The following TASP1 variants were observed in gnomAD, a reference collection of about 807,000 sequenced individuals.
The protein encoded by TASP1 is threonine aspartase 1.
In TASP1, 16 loss-of-function variants were observed where a neutral mutation model predicts 56.6. That is an observed-to-expected ratio of 0.28 (90% CI 0.19 to 0.43). The LOEUF is 0.43. Among genes scored for constraint, TASP1 ranks in the 20% least tolerant of loss-of-function variants. TASP1 has a pLI of 1.00. For synonymous variants in TASP1, 179 were observed against 184.2 expected (o/e 0.97, Z 0.23); for missense variants, 393 against 511.6 (o/e 0.77, Z 2.24).
intron 7 of TASP1, among the ~76,000 whole-genome samples, chr20:13,560,034 G>A (rs2046290731): frequency 6.6e-6 from 1 of 152,166 alleles, no homozygotes; most frequent in Non-Finnish European, 1.5e-5. Context: ...TAAGCAGCAA[G>A]ATGATAAACT....
the TASP1 span, among the ~76,000 whole-genome samples, chr20:13,170,157 G>C: frequency 6.6e-6 from 1 of 152,150 alleles, no homozygotes; most frequent in Non-Finnish European, 1.5e-5. Flanking sequence ...TATCTTCCAA[G>C]TACTCTTGTA....
chr20:13,353,108 C>A, the TASP1 span, among the ~76,000 whole-genome samples: 3 of 152,114 alleles, frequency 2.0e-5, no homozygotes, highest in African/African-American at 7.2e-5. Context: ...GCTTACTGGG[C>A]ACCTGTAGTC....
intron 1 of TASP1, among the ~76,000 whole-genome samples, chr20:13,633,149 G>A (rs1308754706): frequency 6.6e-6 from 1 of 152,058 alleles, no homozygotes; most frequent in African/African-American, 2.4e-5. Context: ...AGCAGCCATT[G>A]GAAACAATGA....
chr20:13,295,236 A>G, the TASP1 span, among the ~76,000 whole-genome samples: 1 of 152,130 alleles, frequency 6.6e-6, no homozygotes, highest in Admixed American at 6.5e-5. Context: ...CTCCCAGAGT[A>G]TCTCACCTGG....
At chr20:13,375,368 A>G in the TASP1 span, among the ~76,000 whole-genome samples, 15 of 152,240 alleles carry the variant, frequency 9.9e-5, no homozygotes, top group Admixed American at 9.8e-4. Flanking sequence ...CTTGCTGAGA[A>G]TGATGATTTC....
At chr20:13,516,008 T>G (rs2044517073) in intron 10 of TASP1, among the ~76,000 whole-genome samples, 1 of 152,106 alleles carries the variant, frequency 6.6e-6, no homozygotes, top group African/African-American at 2.4e-5. Flanking sequence ...CAAACCCTAT[T>G]CCTAGCCAGT....
At chr20:13,488,401 A>T (rs1313214073) in intron 10 of TASP1, among the ~76,000 whole-genome samples, 1 of 152,198 alleles carries the variant, frequency 6.6e-6, no homozygotes, top group African/African-American at 2.4e-5. Flanking sequence ...CGCAAGACTA[A>T]TATCTTAAAG....
the TASP1 span, chr20:13,166,231 A>C: frequency 6.6e-6 from 1 of 152,648 alleles, no homozygotes; most frequent in Non-Finnish European, 1.5e-5. Flanking sequence ...TTTGTGTGGC[A>C]CAGATGGACC....
the TASP1 span, among the ~76,000 whole-genome samples, chr20:13,212,082 A>G: frequency 6.6e-6 from 1 of 152,174 alleles, no homozygotes; most frequent in Non-Finnish European, 1.5e-5. Context: ...TGCATTCAAC[A>G]TACCCATTTC....
the TASP1 span, among the ~76,000 whole-genome samples, chr20:13,354,184 A>C: frequency 6.6e-6 from 1 of 152,232 alleles, no homozygotes; most frequent in East Asian, 1.9e-4. Context: ...ATTTTTTAAA[A>C]GAGTGATAAG....
intron 11 of TASP1, among the ~76,000 whole-genome samples, chr20:13,443,914 G>C (rs1207555927): frequency 6.6e-6 from 1 of 152,190 alleles, no homozygotes; most frequent in East Asian, 1.9e-4. Flanking sequence ...CAGTGGAGTA[G>C]AGTTAGGATT....
intron 1 of TASP1, among the ~76,000 whole-genome samples, chr20:13,635,890 A>C (rs1366776138): frequency 6.6e-6 from 1 of 152,088 alleles, no homozygotes; most frequent in Non-Finnish European, 1.5e-5. Flanking sequence ...ATCTTGCCTC[A>C]TCTCTCTAAA....
intron 11 of TASP1, among the ~76,000 whole-genome samples, chr20:13,471,726 C>G (rs945213063): frequency 1.3e-5 from 2 of 152,154 alleles, no homozygotes; most frequent in South Asian, 2.1e-4. Context: ...CAAACAGGAA[C>G]AGCTCTGGTA....
At chr20:13,464,098 G>T (rs6109897) in intron 11 of TASP1, among the ~76,000 whole-genome samples, 65 of 152,170 alleles carry the variant, frequency 4.3e-4, no homozygotes, top group Admixed American at 2.9e-3. Flanking sequence ...TATTCACAAC[G>T]GCCACAGGCT....
At chr20:13,301,855 C>G in the TASP1 span, among the ~76,000 whole-genome samples, 1 of 152,098 alleles carries the variant, frequency 6.6e-6, no homozygotes. Context: ...ACAAAACCCT[C>G]TGATGTGTTT....
Position 13,540,050 on chromosome 20 carries a change from A to G in TASP1, c.676-5909T>C, listed in dbSNP as rs560079966. The stretch of plus-strand genomic sequence containing the variant: ...TTTTATGCAGCTTTAAATCATTTCT[A>G]TTCTCACTCATACGCAGTTTAATTA... On this transcript the variant is annotated intron_variant, in intron 8 of 13. Coordinates refer to ENST00000337743, the MANE Select transcript of TASP1 (RefSeq NM_017714.3). Among the ~76,000 whole-genome samples the G allele has an allele frequency of 1.1e-4, 16 of 152,302 alleles. No homozygotes were observed. In the East Asian group the frequency reaches 2.7e-3, roughly 26 times the overall value.
the TASP1 span, among the ~76,000 whole-genome samples, chr20:13,274,016 C>G: frequency 1.3e-5 from 2 of 152,038 alleles, no homozygotes; most frequent in Non-Finnish European, 2.9e-5. Context: ...AAGAATAAAA[C>G]AACTGCTACC....
intron 10 of TASP1, among the ~76,000 whole-genome samples, chr20:13,525,413 A>G (rs906930737): frequency 3.9e-5 from 6 of 152,102 alleles, no homozygotes; most frequent in Non-Finnish European, 7.4e-5. Flanking sequence ...TTGAAAGGTC[A>G]GCTCCTGTTA....
chr20:13,511,025 G>A (rs961241968), intron 10 of TASP1, among the ~76,000 whole-genome samples: 14 of 151,966 alleles, frequency 9.2e-5, no homozygotes, highest in East Asian at 1.9e-4. Context: ...TAACCCATAC[G>A]CATGTCCTGT....
Sources: allele counts gnomAD v4.1 joint callset (sites outside exome capture counted in the v4.1 genomes callset), GRCh38; gene constraint gnomAD v4.1.1; transcripts MANE v1.5; gene names NCBI Gene and HGNC (gene_info 2026-07-23, HGNC 2026-07-21).